The following KRABD3 variants were observed in gnomAD, a reference collection of about 807,000 sequenced individuals.
The protein encoded by KRABD3 is KRAB domain-containing protein 3.
At chr7:149,719,956 C>T in the KRABD3 span, 43 of 1,510,222 alleles carry the variant, frequency 2.8e-5, no homozygotes, top group East Asian at 2.5e-4. This position sits in a 1 kb window ranked among gnomAD's most constrained non-coding sequence, Gnocchi z 5.6. Context: ...CAACTGTGTG[C>T]GAAGCGGAGA....
At chr7:149,734,122 C>G in the KRABD3 span, 1 of 1,493,802 alleles carries the variant, frequency 6.7e-7, no homozygotes, top group East Asian at 2.4e-5. Flanking sequence ...GTCACCCCAC[C>G]CCAGGCCACC....
At chr7:149,728,751 CAG>C in the KRABD3 span, 4 of 1,478,782 alleles carry the variant, frequency 2.7e-6, no homozygotes, top group Non-Finnish European at 1.8e-6. Flanking sequence ...CCTGTGGGCT[CAG>C]ATCTGCTCCT....
At chr7:149,715,214 A>C in the KRABD3 span, 1 of 1,216,280 alleles carries the variant, frequency 8.2e-7, no homozygotes, top group Non-Finnish European at 1.0e-6. Context: ...CGGGAAGTTC[A>C]GGTCCTCGGA....
chr7:149,722,519 C>T, the KRABD3 span: 1 of 1,519,196 alleles, frequency 6.6e-7, no homozygotes, highest in African/African-American at 1.4e-5. Context: ...GGAGGAAGAG[C>T]CACAGAGGAC....
chr7:149,723,591 C>G, the KRABD3 span: 2 of 755,796 alleles, frequency 2.6e-6, no homozygotes, highest in Non-Finnish European at 4.2e-6. Flanking sequence ...TGGACCCAGG[C>G]ACTGGGAAGA....
the KRABD3 span, chr7:149,723,485 C>T: frequency 2.0e-6 from 1 of 511,378 alleles, no homozygotes; most frequent in Non-Finnish European, 3.5e-6. Flanking sequence ...TGACAGCCCA[C>T]TTCCTTCAAT....
chr7:149,733,540 C>G, the KRABD3 span: 8 of 1,598,084 alleles, frequency 5.0e-6, no homozygotes, highest in Non-Finnish European at 6.0e-6. Flanking sequence ...GGGGACCTCG[C>G]TGGGCTCATG....
the KRABD3 span, chr7:149,722,299 C>T: frequency 2.9e-6 from 4 of 1,377,544 alleles, no homozygotes; most frequent in South Asian, 1.3e-5. Context: ...AGGCCCTCAG[C>T]CCACCTCGAA....
the KRABD3 span, among the ~76,000 whole-genome samples, chr7:149,723,162 C>A: frequency 6.6e-6 from 1 of 152,186 alleles, no homozygotes. Context: ...CAGGCTTTGC[C>A]CTGGTTTCTT....
chr7:149,733,097 T>C, the KRABD3 span: 2 of 1,310,328 alleles, frequency 1.5e-6, no homozygotes, highest in South Asian at 1.4e-5. Flanking sequence ...TTCTGGAAGC[T>C]GGGCCTTGGA....
the KRABD3 span, among the ~76,000 whole-genome samples, chr7:149,715,672 G>T: frequency 6.6e-6 from 1 of 152,192 alleles, no homozygotes; most frequent in African/African-American, 2.4e-5. Context: ...CTGCAACCGT[G>T]GTGGCTCCTG....
the KRABD3 span, among the ~76,000 whole-genome samples, chr7:149,717,306 C>T: frequency 6.6e-6 from 1 of 152,246 alleles, no homozygotes; most frequent in Non-Finnish European, 1.5e-5. Flanking sequence ...GAGCCACTCC[C>T]ATCATTTAGG....
the KRABD3 span, chr7:149,730,575 C>T: frequency 6.2e-7 from 1 of 1,609,762 alleles, no homozygotes; most frequent in Non-Finnish European, 8.5e-7. Context: ...GCAGGTGAGC[C>T]TGGGGTCTCC....
At chr7:149,723,610 G>A in the KRABD3 span, 1 of 903,766 alleles carries the variant, frequency 1.1e-6, no homozygotes, top group Non-Finnish European at 1.7e-6. Context: ...GACTCAGCGA[G>A]CCACTGGAAG....
the KRABD3 span, chr7:149,734,253 T>C: frequency 1.6e-6 from 1 of 627,442 alleles, no homozygotes; most frequent in African/African-American, 1.8e-5. Flanking sequence ...TTCCTCAGCC[T>C]CTGGCCCTCT....
chr7:149,725,885 AG>A, the KRABD3 span: 25 of 1,575,058 alleles, frequency 1.6e-5, no homozygotes, highest in Non-Finnish European at 2.2e-5. Context: ...TGTTCCCTAC[AG>A]AAGCGACCAG....
At chr7:149,730,044 G>A in the KRABD3 span, 10 of 1,404,344 alleles carry the variant, frequency 7.1e-6, no homozygotes, top group Admixed American at 1.6e-4. Context: ...TGCTGATCGT[G>A]GGCTGAGCTG....
chr7:149,729,630 G>A, the KRABD3 span: 1 of 985,470 alleles, frequency 1.0e-6, no homozygotes, highest in Non-Finnish European at 1.2e-6. Flanking sequence ...AGCTTCTTGA[G>A]GGGGCTCCCG....
At chr7:149,733,522 C>A in the KRABD3 span, 1 of 1,593,550 alleles carries the variant, frequency 6.3e-7, no homozygotes, top group Non-Finnish European at 8.5e-7. Flanking sequence ...GGATGTGGAC[C>A]CTCCCACGGG....
Sources: gnomAD v4.1 joint callset for allele counts (sites outside exome capture counted in the v4.1 genomes callset) on GRCh38, gnomAD v4.1.1 for gene constraint, Gnocchi (gnomAD v3.1) non-coding constraint, MANE v1.5 for transcripts, NCBI Gene and HGNC (gene_info 2026-07-23, HGNC 2026-07-21) for gene names.